Variants in MED13 observed in about 807,000 individuals in gnomAD.
The protein encoded by MED13 is mediator of RNA polymerase II transcription subunit 13.
MED13 carries 23 observed loss-of-function variants against 225.2 expected under a neutral mutation model. The observed-to-expected ratio is 0.10, with a 90% CI of 0.07 to 0.14. The LOEUF (loss-of-function observed/expected upper bound fraction) is 0.14. MED13 is among the 10% of genes least tolerant of loss of function. MED13 has a pLI of 1.00. For synonymous variants in MED13, 942 were observed against 889.2 expected (o/e 1.06, Z -1.06); for missense variants, 2,197 against 2,594.5 (o/e 0.85, Z 3.33).
intron 18 of MED13, among the ~76,000 whole-genome samples, chr17:61,967,258 T>A (rs1174657341): frequency 6.6e-6 from 1 of 152,172 alleles, no homozygotes. Context: ...AAAGGTAATA[T>A]AATATACAAT....
intron 3 of MED13, among the ~76,000 whole-genome samples, chr17:62,037,713 G>A (rs1423361100): frequency 2.0e-5 from 3 of 149,882 alleles, no homozygotes; most frequent in Non-Finnish European, 4.4e-5. Flanking sequence ...CCAGCACTTC[G>A]GGAGGGCAAG....
At chr17:61,984,935 G>GT in intron 13 of MED13, 65 bp downstream of exon 13, 1 of 1,594,378 alleles carries the variant, frequency 6.3e-7, no homozygotes, top group Non-Finnish European at 8.6e-7. Flanking sequence ...ACCAAAAGGA[G>GT]TGGGGAGCTT....
intron 16 of MED13, 56 bp downstream of exon 16, chr17:61,982,142 G>C: frequency 6.7e-7 from 1 of 1,494,904 alleles, no homozygotes; most frequent in Non-Finnish European, 9.0e-7. Flanking sequence ...TTTTTCCTAA[G>C]AATGTAACTA....
At chr17:61,995,000 C>T (rs140683205) in intron 10 of MED13, 152 bp downstream of exon 10, 7 of 640,538 alleles carry the variant, frequency 1.1e-5, no homozygotes, top group East Asian at 5.8e-5. Flanking sequence ...CATGAGCCAC[C>T]GCAGCCGGGC....
chr17:61,953,049 G>T lies in MED13; in HGVS notation c.6033C>A (p.Ile2011=). Residue 2011 remains isoleucine (I), a synonymous_variant, in exon 27 of 30, where the codon ATC becomes ATA. Transcript: ENST00000397786. Reference sequence around the variant, plus strand: ...TTGGAGAAGCAGGAAGGATATTAATGATATCAGGGTCAAGATCATCTCCTG... The same window carrying T: ...TTGGAGAAGCAGGAAGGATATTAATTATATCAGGGTCAAGATCATCTCCTG... The part of the protein sequence containing the change: ...LDTGDDLDPD[I]INILPASPTG... 1 of 1,613,678 alleles carries T rather than the reference G, an allele frequency of 6.2e-7. No individual in the cohort carries two copies. The highest frequency in any genetic ancestry group is 1.3e-5 in the African/African-American group (1 of 75,026).
chr17:62,000,765 GTTGTT>G (rs1330644241), intron 9 of MED13, among the ~76,000 whole-genome samples: 1 of 151,934 alleles, frequency 6.6e-6, no homozygotes, highest in African/African-American at 2.4e-5. Context: ...TTTGTTTTTT[GTTGTT>G]TTATTTTTTG....
intron 9 of MED13, among the ~76,000 whole-genome samples, chr17:62,009,163 AT>A (rs1408008546): frequency 1.3e-5 from 2 of 152,176 alleles, no homozygotes; most frequent in Admixed American, 1.3e-4. Flanking sequence ...TTACTGGTTG[AT>A]TTTCACCTTT....
intron 8 of MED13, among the ~76,000 whole-genome samples, chr17:62,028,164 T>C (rs2096820981): frequency 1.3e-5 from 2 of 152,154 alleles, no homozygotes. Context: ...TGCCCATCAA[T>C]GACAGACTGG....
intron 11 of MED13, among the ~76,000 whole-genome samples, chr17:61,987,772 C>G (rs990971049): frequency 6.6e-6 from 1 of 151,416 alleles, no homozygotes; most frequent in Non-Finnish European, 1.5e-5. Context: ...TTTTTTGAGA[C>G]GGGGTCTCGC....
At chr17:62,047,565 G>A (rs1221789416) in intron 3 of MED13, among the ~76,000 whole-genome samples, 3 of 152,056 alleles carry the variant, frequency 2.0e-5, no homozygotes, top group Non-Finnish European at 4.4e-5. Flanking sequence ...GGGATAGGGA[G>A]CATGGAGAGG....
At chr17:62,057,298 C>T (rs1424357667) in intron 2 of MED13, among the ~76,000 whole-genome samples, 2 of 151,754 alleles carry the variant, frequency 1.3e-5, no homozygotes, top group Non-Finnish European at 2.9e-5. Flanking sequence ...ACAAATATAC[C>T]GAGAGCCTTA....
chr17:62,033,939 G>C lies in MED13; in HGVS notation c.662C>G (p.Ala221Gly), dbSNP rs748280254. 1.2e-5 allele frequency: 20 copies of C among 1,613,952 alleles called. No individual in the cohort carries two copies. The highest frequency in any genetic ancestry group is 1.5e-5 in the Non-Finnish European group (18 of 1,180,018). ...TGTAGCTGAATCAGACATCTTGAAT[G>C]CCTGTCCTGTGAGAGTGCCATTTAG... Reference protein sequence around the residue: ...FGLNGTLTGQAFKMSDSATKK... With the variant: ...FGLNGTLTGQGFKMSDSATKK... The change falls in exon 5 of 30, where the codon GCA becomes GGA. Residue 221 changes from alanine to glycine, a missense_variant. By Grantham distance (60) the Ala-to-Gly change is moderately conservative. This residue lies in a region of MED13 where 884 missense variants were observed against 918.5 expected (regional missense o/e 0.96). Transcript: ENST00000397786.
chr17:61,985,897 T>G (rs1224675490), intron 12 of MED13, among the ~76,000 whole-genome samples: 1 of 152,240 alleles, frequency 6.6e-6, no homozygotes, highest in African/African-American at 2.4e-5. Context: ...CAGGTAAAAC[T>G]AAGTACAAAC....
rs754369646 is a variant in MED13, at chr17:61,947,025, G to A, written c.6292-8C>T. The A allele has an allele frequency of 7.5e-6, 12 of 1,601,064 alleles. No homozygotes were observed. Among genetic ancestry groups the A allele is most frequent in the Middle Eastern group, 1.7e-4 (1 of 6,052 alleles). On this transcript the variant is annotated splice_region_variant and splice_polypyrimidine_tract_variant and intron_variant, in intron 28 of 29. Coordinates refer to ENST00000397786, the MANE Select transcript of MED13 (RefSeq NM_005121.3). ...GTGGAGGTGCAAAGAGGCCTAAGAA[G>A]GTAACAGGTAATCAATCAGTCAGCC...
At position 61,984,294 on chromosome 17, in the gene MED13, G is replaced by A; in HGVS notation, c.2765C>T (p.Thr922Ile). 2 of 1,610,390 alleles carry A rather than the reference G, an allele frequency of 1.2e-6. No homozygotes were observed. The highest frequency in any genetic ancestry group is 8.5e-7 in the Non-Finnish European group (1 of 1,178,652). Residue 922 changes from threonine to isoleucine, a missense_variant, in exon 15 of 30, where the codon ACT becomes ATT. By Grantham distance (89) the Thr-to-Ile change is moderately conservative. Transcript: ENST00000397786. Reference protein sequence around the residue: ...VGCSMFAPLKTLPSQYLPPIK... With the variant: ...VGCSMFAPLKILPSQYLPPIK... Reference sequence around the variant, plus strand: ...AGGGGGCAGATATTGGCTTGGTAGAGTTTTTAGAGGTGCAAACATGGAACA... The same window carrying A: ...AGGGGGCAGATATTGGCTTGGTAGAATTTTTAGAGGTGCAAACATGGAACA...
At chr17:62,055,554 G>A (rs2080990302) in intron 2 of MED13, among the ~76,000 whole-genome samples, 2 of 152,208 alleles carry the variant, frequency 1.3e-5, no homozygotes, top group African/African-American at 2.4e-5. Context: ...CATGTGCGGT[G>A]GCTCATGCCT....
At chr17:61,974,910 A>G (rs1329004876) in intron 16 of MED13, among the ~76,000 whole-genome samples, 1 of 152,260 alleles carries the variant, frequency 6.6e-6, no homozygotes, top group Non-Finnish European at 1.5e-5. Context: ...AAGAGAAAAA[A>G]TAAATTGGAC....
At chr17:62,049,350 G>T (rs1241923768) in intron 3 of MED13, among the ~76,000 whole-genome samples, 1 of 152,198 alleles carries the variant, frequency 6.6e-6, no homozygotes, top group African/African-American at 2.4e-5. Context: ...CAGGTACACA[G>T]ATCAGGAGTC....
At position 61,944,901 on chromosome 17, in the gene MED13, C is replaced by G. The variant is rs2079840913; in HGVS notation, c.*1567G>C. ...GTAGAAAGGATTTTTCAAGGGGGTA[C>G]AGCCTGCATAAAAGCAGTTATCTTG... On this transcript the variant is annotated 3_prime_UTR_variant, in exon 30 of 30. Transcript: ENST00000397786. 6.6e-6 allele frequency: 1 copy of G among 152,506 alleles called. No individual in the cohort carries two copies. Among genetic ancestry groups the G allele is most frequent in the African/African-American group, 2.4e-5 (1 of 41,400 alleles). The allele number at this position is 152,506 out of a possible 1,614,324, so 9.4% of individuals were successfully genotyped here.
Sources: gnomAD v4.1 joint callset for allele counts (sites outside exome capture counted in the v4.1 genomes callset) on GRCh38, gnomAD v4.1.1 for gene constraint, gnomAD v4.1.1 regional missense constraint, MANE v1.5 for transcripts, NCBI Gene and HGNC (gene_info 2026-07-23, HGNC 2026-07-21) for gene names.